Variants in ECPAS observed in about 807,000 individuals in gnomAD.
ECPAS encodes Ecm29 proteasome adaptor and scaffold.
ECPAS carries 70 observed loss-of-function variants against 255.1 expected under a neutral mutation model. The ratio of observed to expected loss-of-function variants is 0.27; its 90% CI spans 0.23 to 0.33. ECPAS has a LOEUF of 0.33. ECPAS is among the 10% of genes least tolerant of loss of function. The pLI is 1.00. For synonymous variants in ECPAS, 784 were observed against 775.0 expected (o/e 1.01, Z -0.19); for missense variants, 1,817 against 2,206.4 (o/e 0.82, Z 3.54).
At chr9:111,373,540 A>G (rs1438277144) in intron 39 of ECPAS, 134 bp from the exon 40 acceptor site, 1 of 677,938 alleles carries the variant, frequency 1.5e-6, no homozygotes, top group East Asian at 2.6e-5. Context: ...TCTGGATGTT[A>G]TATTTATATA....
In ECPAS at chr9:111,383,346, AGCATGGACGTTAGT is replaced by A. The variant is rs1490471483; in HGVS notation, c.3682-28_3682-15del. On this transcript the variant is annotated splice_polypyrimidine_tract_variant and intron_variant, in intron 34 of 49. Coordinates refer to ENST00000684092, the MANE Select transcript of ECPAS (RefSeq NM_001364929.1). ...TTTCACACAGACCTCACATACAAAG[AGCATGGACGTTAGT>A]GAAAGTGACCGCGCATCCAATAAAG... The A allele has an allele frequency of 1.2e-6, 2 of 1,602,126 alleles. No individual in the cohort carries two copies. Among genetic ancestry groups the A allele is most frequent in the Non-Finnish European group, 1.7e-6 (2 of 1,172,776 alleles).
intron 22 of ECPAS, among the ~76,000 whole-genome samples, chr9:111,410,515 T>C (rs566082315): frequency 6.2e-4 from 94 of 152,210 alleles, no homozygotes; most frequent in Non-Finnish European, 1.1e-3. Flanking sequence ...TGTTTTTTGC[T>C]TTGTTTGTTT....
intron 24 of ECPAS, 107 bp from the exon 25 acceptor site, chr9:111,397,260 T>C (rs1360123339): frequency 7.1e-7 from 1 of 1,409,500 alleles, no homozygotes; most frequent in East Asian, 2.4e-5. Context: ...TGTTTTGTTT[T>C]CACTCTTTGC....
chr9:111,460,654 AC>A (rs1353459469), intron 2 of ECPAS, among the ~76,000 whole-genome samples: 1 of 152,222 alleles, frequency 6.6e-6, no homozygotes, highest in Non-Finnish European at 1.5e-5. Context: ...ATAGTAATAA[AC>A]CATTAGAAAA....
At chr9:111,433,165 A>C in intron 8 of ECPAS, 68 bp downstream of exon 8, 2 of 1,547,640 alleles carry the variant, frequency 1.3e-6, no homozygotes, top group Non-Finnish European at 1.8e-6. Flanking sequence ...CTTAAACAAA[A>C]AATGTGTCAA....
At chr9:111,418,930 A>G (rs1196240873) in intron 16 of ECPAS, among the ~76,000 whole-genome samples, 1 of 152,210 alleles carries the variant, frequency 6.6e-6, no homozygotes, top group Admixed American at 6.5e-5. Flanking sequence ...CACTTTAACC[A>G]GATTGAAATG....
intron 24 of ECPAS, among the ~76,000 whole-genome samples, chr9:111,405,192 C>A (rs1356179237): frequency 6.7e-6 from 1 of 149,656 alleles, no homozygotes; most frequent in African/African-American, 2.5e-5. Flanking sequence ...AGCAAAACAG[C>A]ATGAAACTGG....
chr9:111,429,338 T>C (rs1367386643), intron 9 of ECPAS, among the ~76,000 whole-genome samples: 1 of 152,154 alleles, frequency 6.6e-6, no homozygotes, highest in Non-Finnish European at 1.5e-5. Context: ...CTTTGATATG[T>C]GGTAGGAACC....
rs142538659 is a variant in ECPAS at position 111,426,136 on chromosome 9, T to A, written c.1051-308A>T. 4.2e-3 allele frequency among the ~76,000 whole-genome samples: 646 copies of A among 152,288 alleles called. 7 individuals carry two copies. The highest frequency in any genetic ancestry group is 0.015 in the African/African-American group (611 of 41,588). On this transcript the variant is annotated intron_variant, in intron 10 of 49. Transcript: ENST00000684092. ...AGCTATTCCCTATGTTTCTTAATTA[T>A]ATGATTCAGGACAAATTCTAATAAA...
intron 48 of ECPAS, chr9:111,366,032 G>T: frequency 1.9e-6 from 1 of 528,092 alleles, no homozygotes; most frequent in South Asian, 2.9e-5. Flanking sequence ...TTGTCACGAA[G>T]GTTTTTCTAA....
intron 3 of ECPAS, among the ~76,000 whole-genome samples, chr9:111,445,427 A>G (rs530292038): frequency 2.0e-5 from 3 of 151,976 alleles, no homozygotes; most frequent in Non-Finnish European, 2.9e-5. Flanking sequence ...GACATACAAG[A>G]TACAGTGGGT....
At chr9:111,464,403 A>C (rs12555853) in intron 2 of ECPAS, among the ~76,000 whole-genome samples, 62,686 of 150,226 alleles carry the variant, frequency 0.42, 15,916 homozygotes, top group African/African-American at 0.69. Flanking sequence ...GCACTCCAGC[A>C]TGGGCAACTG....
rs763939408 is a variant in ECPAS at position 111,428,190 on chromosome 9, A to G, written c.931-29T>C. On this transcript the variant is annotated intron_variant, in intron 9 of 49. Transcript: ENST00000684092. ...TTGAAAATATGCTTGATTATAACTC[A>G]GCAATTCAAAATTATTTTGAACTGA... is the stretch of plus-strand genomic sequence containing the variant. 16 of 1,586,746 alleles carry G rather than the reference A, an allele frequency of 1.0e-5. No homozygotes were observed. The South Asian group carries it at 1.6e-4, about 16-fold the overall frequency.
chr9:111,465,383 T>TA (rs931384615), intron 2 of ECPAS, among the ~76,000 whole-genome samples: 1 of 151,692 alleles, frequency 6.6e-6, no homozygotes, highest in Non-Finnish European at 1.5e-5. Context: ...CTACTTAAAA[T>TA]AAAAAAATTA....
chr9:111,467,188 G>C (rs779783514), intron 2 of ECPAS, among the ~76,000 whole-genome samples: 3 of 151,540 alleles, frequency 2.0e-5, no homozygotes, highest in Non-Finnish European at 4.4e-5. Context: ...GAAAAAGCAT[G>C]TTAAAAAAGA....
At chr9:111,465,417 G>A (rs1464514214) in intron 2 of ECPAS, among the ~76,000 whole-genome samples, 2 of 151,966 alleles carry the variant, frequency 1.3e-5, no homozygotes, top group Non-Finnish European at 2.9e-5. Context: ...GCGGGCGCCT[G>A]TAATCCGAGC....
At position 111,411,003 on chromosome 9, in the gene ECPAS, A is replaced by G; in HGVS notation, c.2354T>C (p.Ile785Thr). ...ACCTATTGTTTCTGTAGCACTCTGA[A>G]TGAGTTCCTCTTGATCAGGGAGGGT... is the stretch of plus-strand genomic sequence containing the variant. The part of the protein sequence containing the change: ...ADTLPDQEEL[I>T]QSATETIGSF... The change falls in exon 22 of 50, where the codon ATT (isoleucine) becomes ACT (threonine). Residue 785 changes from isoleucine (I) to threonine (T), a missense_variant. This residue lies in a region of ECPAS where 194 missense variants were observed against 152.8 expected (regional missense o/e 1.27). Coordinates refer to ENST00000684092, the MANE Select transcript of ECPAS (RefSeq NM_001364929.1). 1 of 1,613,862 alleles carries G rather than the reference A, an allele frequency of 6.2e-7. No homozygotes were observed. The highest frequency in any genetic ancestry group is 1.1e-5 in the South Asian group (1 of 91,072).
chr9:111,402,735 C>G (rs1222140277), intron 24 of ECPAS, among the ~76,000 whole-genome samples: 2 of 152,124 alleles, frequency 1.3e-5, no homozygotes, highest in Admixed American at 6.5e-5. Flanking sequence ...TTGTTCTTTT[C>G]TTGTGATCAA....
intron 36 of ECPAS, among the ~76,000 whole-genome samples, chr9:111,378,246 G>A (rs916981506): frequency 1.3e-5 from 2 of 152,288 alleles, no homozygotes; most frequent in East Asian, 3.9e-4. Context: ...ATATGCCAAA[G>A]TCTAGGTGCA....
Sources: gnomAD v4.1 joint callset for allele counts (sites outside exome capture counted in the v4.1 genomes callset) on GRCh38, gnomAD v4.1.1 for gene constraint, gnomAD v4.1.1 regional missense constraint, MANE v1.5 for transcripts, NCBI Gene and HGNC (gene_info 2026-07-23, HGNC 2026-07-21) for gene names.